PDHX: variants seen among roughly 807,000 people sequenced by gnomAD.
The protein encoded by PDHX is pyruvate dehydrogenase complex component X.
PDHX carries 33 observed loss-of-function variants against 55.3 expected under a neutral mutation model. The ratio of observed to expected loss-of-function variants is 0.60; its 90% CI spans 0.45 to 0.80. The LOEUF (loss-of-function observed/expected upper bound fraction) is 0.80. PDHX is among the 30% of genes least tolerant of loss of function. PDHX has a pLI of 0.00. For missense variants in PDHX, 622 were observed against 619.9 expected (o/e 1.00, Z -0.04); for synonymous variants, 226 against 219.4 (o/e 1.03, Z -0.27).
intron 1 of PDHX, among the ~76,000 whole-genome samples, chr11:34,919,940 G>A (rs1183554071): frequency 6.6e-6 from 1 of 152,090 alleles, no homozygotes; most frequent in African/African-American, 2.4e-5. Context: ...TGATCCTTAA[G>A]GTATTTGTAG....
At chr11:34,941,040 C>G (rs1310187635) in intron 2 of PDHX, among the ~76,000 whole-genome samples, 1 of 150,944 alleles carries the variant, frequency 6.6e-6, no homozygotes, top group Non-Finnish European at 1.5e-5. Context: ...TGGAAATGTT[C>G]TGTGTTAAAC....
chr11:34,989,610 A>G (rs1350619264), intron 9 of PDHX, among the ~76,000 whole-genome samples: 1 of 152,154 alleles, frequency 6.6e-6, no homozygotes, highest in African/African-American at 2.4e-5. Context: ...ACTAAGAGAC[A>G]TACTATCCAG....
chr11:34,919,952 C>G (rs191518488), intron 1 of PDHX, among the ~76,000 whole-genome samples: 1 of 152,118 alleles, frequency 6.6e-6, no homozygotes. Flanking sequence ...TATTTGTAGT[C>G]TCTTTGGGGA....
chr11:34,984,877 A>G (rs1014547049), intron 9 of PDHX, 149 bp downstream of exon 9: 24 of 742,034 alleles, frequency 3.2e-5, no homozygotes, highest in Non-Finnish European at 4.3e-5. Context: ...TGTCACATAT[A>G]TATAGGTTTT....
intron 5 of PDHX, among the ~76,000 whole-genome samples, chr11:34,964,317 A>G (rs959315162): frequency 6.6e-6 from 1 of 152,152 alleles, no homozygotes; most frequent in African/African-American, 2.4e-5. Context: ...AATCAGCAAT[A>G]AAAAGACCAG....
chr11:34,979,226 G>A (rs1343629723), intron 8 of PDHX, among the ~76,000 whole-genome samples: 2 of 152,156 alleles, frequency 1.3e-5, no homozygotes, highest in African/African-American at 2.4e-5. Flanking sequence ...TATAGCTTTG[G>A]GTTAAGGAAT....
intron 1 of PDHX, among the ~76,000 whole-genome samples, chr11:34,930,864 C>G (rs1405883384): frequency 6.6e-6 from 1 of 152,158 alleles, no homozygotes; most frequent in Non-Finnish European, 1.5e-5. Flanking sequence ...TCCTTTCATA[C>G]TTATTAGTAG....
At chr11:34,964,000 A>G (rs1855076566) in intron 5 of PDHX, among the ~76,000 whole-genome samples, 2 of 152,324 alleles carry the variant, frequency 1.3e-5, no homozygotes, top group South Asian at 2.1e-4. Context: ...TATTTTCAAA[A>G]TGAATTCATG....
intron 2 of PDHX, among the ~76,000 whole-genome samples, chr11:34,937,852 C>T (rs1696422914): frequency 6.6e-6 from 1 of 152,176 alleles, no homozygotes; most frequent in African/African-American, 2.4e-5. Context: ...AAGAATACAG[C>T]TTCTAATCCA....
At chr11:34,915,957 T>A (rs533694285), upstream of PDHX, 1 of 561,478 alleles carries the variant, frequency 1.8e-6, no homozygotes, top group African/African-American at 2.0e-5. Flanking sequence ...ACCTAAACGC[T>A]CTCCTCTCTC....
At position 34,966,676 on chromosome 11, in the gene PDHX, C is replaced by T; in HGVS notation, c.678C>T (p.Gly226=). Residue 226 remains glycine (G), a synonymous_variant, in exon 6 of 11, where the codon GGC becomes GGT. Coordinates refer to ENST00000227868, the MANE Select transcript of PDHX (RefSeq NM_003477.3). ...ALKLVQLKQT[G]KITESRPTPA... is the part of the protein sequence containing the mutation. ...AACTTGTCCAGTTGAAACAAACGGG[C>T]AAGATTACCGAGTCCAGACCAACTC... 6.2e-7 allele frequency: 1 copy of T among 1,614,032 alleles called. No individual in the cohort carries two copies. The highest frequency in any genetic ancestry group is 1.7e-5 in the Admixed American group (1 of 60,008).
chr11:34,916,917 C>A, intron 1 of PDHX, 102 bp downstream of exon 1: 2 of 1,147,994 alleles, frequency 1.7e-6, no homozygotes, highest in Non-Finnish European at 2.5e-6. Context: ...TGAAGGTGCG[C>A]GGGCTCCTTA....
At chr11:34,988,709 G>C (rs574967992) in intron 9 of PDHX, among the ~76,000 whole-genome samples, 1 of 152,196 alleles carries the variant, frequency 6.6e-6, no homozygotes, top group Non-Finnish European at 1.5e-5. Flanking sequence ...TTGGTTTTCT[G>C]TGTCTGTAAG....
At position 34,941,614 on chromosome 11, in the gene PDHX, A is replaced by G. The variant is rs560680727; in HGVS notation, c.242-5892A>G. On this transcript the variant is annotated intron_variant, in intron 2 of 10. Transcript: ENST00000227868. ...CTCTCTTCCACCACCACCACCACACACATCTTTTACGTAAAGACTTTTATT... is the reference window on the plus strand; with the variant it reads ...CTCTCTTCCACCACCACCACCACACGCATCTTTTACGTAAAGACTTTTATT... Among the ~76,000 whole-genome samples the G allele has an allele frequency of 2.0e-5, 3 of 152,328 alleles. No homozygotes were observed. In the South Asian group the frequency reaches 6.2e-4, roughly 32 times the overall value.
At chr11:34,970,059 C>A in intron 6 of PDHX, 80 bp from the exon 7 acceptor site, 2 of 1,200,080 alleles carry the variant, frequency 1.7e-6, no homozygotes, top group South Asian at 1.2e-5. Context: ...AATTTCTTTT[C>A]ATTTATAAAG....
chr11:34,948,589 T>A (rs1854680783), intron 3 of PDHX, among the ~76,000 whole-genome samples: 1 of 124,042 alleles, frequency 8.1e-6, no homozygotes, highest in Non-Finnish European at 1.7e-5. Flanking sequence ...TTTTTTTTTT[T>A]AGCCACTTAT....
intron 1 of PDHX, among the ~76,000 whole-genome samples, chr11:34,930,473 A>G (rs1455699618): frequency 1.3e-5 from 2 of 152,242 alleles, no homozygotes; most frequent in African/African-American, 4.8e-5. Context: ...CTGTTCTTCC[A>G]CATTTGAAAT....
At chr11:34,978,747 C>A (rs1041881210) in intron 8 of PDHX, among the ~76,000 whole-genome samples, 24 of 151,858 alleles carry the variant, frequency 1.6e-4, no homozygotes, top group African/African-American at 5.6e-4. Context: ...GTGGAATGTG[C>A]CTAGTATGGA....
intron 1 of PDHX, among the ~76,000 whole-genome samples, chr11:34,930,441 A>G (rs2133945563): frequency 6.6e-6 from 1 of 152,372 alleles, no homozygotes; most frequent in East Asian, 1.9e-4. Flanking sequence ...ACCCTAAAAC[A>G]TCAGGGGAGA....
Sources: gnomAD v4.1 joint callset for allele counts (sites outside exome capture counted in the v4.1 genomes callset) on GRCh38, gnomAD v4.1.1 for gene constraint, MANE v1.5 for transcripts, NCBI Gene and HGNC (gene_info 2026-07-23, HGNC 2026-07-21) for gene names.